The following PPP3CC variants were observed in gnomAD, a reference collection of about 807,000 sequenced individuals.
The protein encoded by PPP3CC is serine/threonine-protein phosphatase 2B catalytic subunit gamma isoform.
In PPP3CC, 35 loss-of-function variants were observed where a neutral mutation model predicts 60.3. That is an observed-to-expected ratio of 0.58 (90% CI 0.44 to 0.77). The LOEUF (loss-of-function observed/expected upper bound fraction) is 0.77. PPP3CC is among the 30% of genes least tolerant of loss of function. The pLI, the probability that PPP3CC is intolerant of heterozygous loss-of-function variation, is 0.00. For missense variants in PPP3CC, 570 were observed against 628.9 expected, an observed-to-expected ratio of 0.91 and a Z score of 1.00; for synonymous variants, 206 against 224.3, an observed-to-expected ratio of 0.92 and a Z score of 0.73.
At chr8:22,481,345 AAAT>A (rs56115827) in intron 3 of PPP3CC, among the ~76,000 whole-genome samples, 5,957 of 143,930 alleles carry the variant, frequency 0.041, 149 homozygotes, top group South Asian at 0.063. Context: ...CAAGAAAAAT[AAAT>A]AATAATAATA....
chr8:22,448,384 T>G (rs1487039012), intron 1 of PPP3CC, among the ~76,000 whole-genome samples: 1 of 150,514 alleles, frequency 6.6e-6, no homozygotes, highest in Admixed American at 6.6e-5. Context: ...TTTTTTTGTT[T>G]TTTTTTTTTT....
intron 8 of PPP3CC, among the ~76,000 whole-genome samples, chr8:22,525,498 C>CT (rs1356651841): frequency 1.3e-5 from 1 of 75,868 alleles, no homozygotes; most frequent in Non-Finnish European, 2.7e-5. Flanking sequence ...TTTCTTCTTT[C>CT]TTTCTTTCTT....
intron 1 of PPP3CC, 31 bp downstream of exon 1, chr8:22,441,489 C>A (rs1836668961): frequency 1.3e-6 from 2 of 1,517,008 alleles, no homozygotes; most frequent in Non-Finnish European, 1.8e-6. Context: ...TCCTCTGGGA[C>A]CCGCGGGAAA....
chr8:22,522,931 C>G, intron 8 of PPP3CC, 182 bp downstream of exon 8: 2 of 521,540 alleles, frequency 3.8e-6, no homozygotes, highest in South Asian at 5.7e-5. Flanking sequence ...TGGTCTTTAT[C>G]TCCTAAGGAT....
At chr8:22,525,516 TTCTTTCTTTCTTTCTTTCTTTCTCTCCC>T (rs1308293014) in intron 8 of PPP3CC, among the ~76,000 whole-genome samples, 10 of 102,398 alleles carry the variant, frequency 9.8e-5, no homozygotes, top group South Asian at 3.6e-4. Context: ...CTTTCTTTCT[TTCTTTCTTTCTTTCTTTCTTTCTCTCCC>T]TCTCTCTCTC....
intron 1 of PPP3CC, among the ~76,000 whole-genome samples, chr8:22,473,244 T>A (rs1563705825): frequency 6.6e-6 from 1 of 152,174 alleles, no homozygotes; most frequent in Non-Finnish European, 1.5e-5. Context: ...AACGCCTCCT[T>A]TTAAATTTAT....
At chr8:22,476,048 A>G (rs1362226225) in intron 3 of PPP3CC, among the ~76,000 whole-genome samples, 1 of 152,202 alleles carries the variant, frequency 6.6e-6, no homozygotes. Context: ...TTTTGTAGGA[A>G]TAATGTCTGG....
chr8:22,495,662 G>A (rs911459598), intron 3 of PPP3CC, among the ~76,000 whole-genome samples: 2 of 151,984 alleles, frequency 1.3e-5, no homozygotes, highest in African/African-American at 2.4e-5. Flanking sequence ...AGGTTCAAGC[G>A]ATTCTTCTGC....
intron 6 of PPP3CC, among the ~76,000 whole-genome samples, chr8:22,521,431 C>CTGA (rs1411236874): frequency 6.6e-6 from 1 of 152,150 alleles, no homozygotes; most frequent in African/African-American, 2.4e-5. Flanking sequence ...AAGGGACAGG[C>CTGA]TGATTCTGGG....
At chr8:22,490,124 A>G (rs1335334264) in intron 3 of PPP3CC, among the ~76,000 whole-genome samples, 1 of 151,994 alleles carries the variant, frequency 6.6e-6, no homozygotes, top group Non-Finnish European at 1.5e-5. Context: ...TGCTGAGCCA[A>G]TACATCTAAT....
At chr8:22,513,996 A>C (rs1457023428) in intron 6 of PPP3CC, among the ~76,000 whole-genome samples, 1 of 152,204 alleles carries the variant, frequency 6.6e-6, no homozygotes, top group Non-Finnish European at 1.5e-5. Context: ...CTATAATCCC[A>C]GCTCTTTGGG....
At chr8:22,504,217 A>G (rs975298486) in intron 4 of PPP3CC, among the ~76,000 whole-genome samples, 2 of 152,186 alleles carry the variant, frequency 1.3e-5, no homozygotes, top group Non-Finnish European at 2.9e-5. Context: ...TACTATATGT[A>G]TACAATGTAT....
At chr8:22,486,886 C>T (rs538412804) in intron 3 of PPP3CC, among the ~76,000 whole-genome samples, 70 of 151,982 alleles carry the variant, frequency 4.6e-4, no homozygotes, top group African/African-American at 8.7e-4. Context: ...CCCACCACCA[C>T]GCCTGGCTAA....
intron 4 of PPP3CC, among the ~76,000 whole-genome samples, chr8:22,498,400 C>T (rs563831032): frequency 6.6e-6 from 1 of 152,192 alleles, no homozygotes; most frequent in African/African-American, 2.4e-5. Context: ...GCCAAGATCA[C>T]GCCACTCTAC....
chr8:22,442,513 T>G (rs1836702129), intron 1 of PPP3CC, among the ~76,000 whole-genome samples: 1 of 152,162 alleles, frequency 6.6e-6, no homozygotes, highest in African/African-American at 2.4e-5. Flanking sequence ...ATAACTTAGG[T>G]TTCCCCCCTC....
chr8:22,479,810 G>T (rs4872000), intron 3 of PPP3CC, among the ~76,000 whole-genome samples: 84,874 of 151,388 alleles, frequency 0.56, 25,137 homozygotes, highest in African/African-American at 0.76. Context: ...GACTGAGCGG[G>T]CTTTGGTATG....
chr8:22,534,670 C>T (rs995469996), intron 12 of PPP3CC, among the ~76,000 whole-genome samples: 54 of 152,108 alleles, frequency 3.6e-4, no homozygotes, highest in Non-Finnish European at 1.0e-4. Context: ...CATAATAGCT[C>T]AAAGCTGGAA....
intron 3 of PPP3CC, among the ~76,000 whole-genome samples, chr8:22,491,367 C>T (rs1033112014): frequency 1.3e-5 from 2 of 152,092 alleles, no homozygotes; most frequent in Admixed American, 1.3e-4. Flanking sequence ...TATTATAATA[C>T]TTGCCAATAT....
chr8:22,497,912 C>T, intron 3 of PPP3CC, 89 bp from the exon 4 acceptor site: 2 of 781,620 alleles, frequency 2.6e-6, no homozygotes, highest in South Asian at 2.0e-5. Flanking sequence ...TGAGATATGC[C>T]ATTACAGCAA....
Sources: allele counts gnomAD v4.1 joint callset (sites outside exome capture counted in the v4.1 genomes callset), GRCh38; gene constraint gnomAD v4.1.1; transcripts MANE v1.5; gene names NCBI Gene and HGNC (gene_info 2026-07-23, HGNC 2026-07-21).